The following NTN4 variants were observed in gnomAD, a reference collection of about 807,000 sequenced individuals.
The protein encoded by NTN4 is netrin-4.
Under a neutral mutation model 73.6 loss-of-function variants are expected in NTN4, and 32 were observed. That is an observed-to-expected ratio of 0.44 (90% CI 0.33 to 0.58). The LOEUF is 0.58. NTN4 is among the 20% of genes least tolerant of loss of function. The pLI is 0.04. For missense variants in NTN4, 654 were observed against 798.3 expected (o/e 0.82, Z 2.18); for synonymous variants, 258 against 287.5 (o/e 0.90, Z 1.04).
At chr12:95,719,511 C>A (rs1489128211) in intron 3 of NTN4, among the ~76,000 whole-genome samples, 1 of 152,016 alleles carries the variant, frequency 6.6e-6, no homozygotes, top group African/African-American at 2.4e-5. Flanking sequence ...AGATAGTATG[C>A]CCCTTTTAGA....
chr12:95,775,477 C>T (rs2079085023), intron 2 of NTN4, among the ~76,000 whole-genome samples: 1 of 152,226 alleles, frequency 6.6e-6, no homozygotes, highest in African/African-American at 2.4e-5. Context: ...CGGGTCACTC[C>T]CACCCTAATA....
chr12:95,716,963 C>A (rs1007206191), intron 3 of NTN4, among the ~76,000 whole-genome samples: 1 of 152,026 alleles, frequency 6.6e-6, no homozygotes, highest in Admixed American at 6.6e-5. Context: ...GCACATGTCA[C>A]CATGCCCAGC....
chr12:95,681,333 C>A (rs1261966636), intron 7 of NTN4, among the ~76,000 whole-genome samples: 1 of 151,986 alleles, frequency 6.6e-6, no homozygotes, highest in African/African-American at 2.4e-5. Flanking sequence ...AGGGAGGCAA[C>A]TGGGCTTGGG....
chr12:95,749,587 T>G (rs935381065), intron 2 of NTN4, among the ~76,000 whole-genome samples: 1 of 152,172 alleles, frequency 6.6e-6, no homozygotes, highest in Non-Finnish European at 1.5e-5. Flanking sequence ...CACCCAAAAC[T>G]CTGGCGCCGG....
At chr12:95,782,362 C>T (rs1462998907) in intron 2 of NTN4, among the ~76,000 whole-genome samples, 2 of 151,486 alleles carry the variant, frequency 1.3e-5, no homozygotes, top group Non-Finnish European at 2.9e-5. Flanking sequence ...GGGGCGTGAT[C>T]TCGGGTCACT....
chr12:95,715,537 AG>A (rs2078599211), intron 3 of NTN4, among the ~76,000 whole-genome samples: 1 of 152,086 alleles, frequency 6.6e-6, no homozygotes, highest in African/African-American at 2.4e-5. Context: ...TGATATGAAA[AG>A]TTTCTATATC....
intron 2 of NTN4, among the ~76,000 whole-genome samples, chr12:95,760,908 T>C (rs1170839690): frequency 6.6e-6 from 1 of 152,192 alleles, no homozygotes; most frequent in Non-Finnish European, 1.5e-5. Flanking sequence ...TAATTATTCT[T>C]TCTTATTCCT....
chr12:95,690,370 A>G (rs1287390647), intron 5 of NTN4, among the ~76,000 whole-genome samples: 1 of 152,220 alleles, frequency 6.6e-6, no homozygotes, highest in African/African-American at 2.4e-5. Context: ...CCAAGTTTAA[A>G]AGAATTATTC....
In NTN4 at chr12:95,658,887, G is replaced by C; in HGVS notation, c.*199C>G. 2.1e-6 allele frequency: 1 copy of C among 483,910 alleles called. No homozygotes were observed. Among genetic ancestry groups the C allele is most frequent in the Non-Finnish European group, 3.6e-6 (1 of 278,326 alleles). The allele number at this position is 483,910 out of a possible 1,614,324, so 30.0% of individuals were successfully genotyped here. On this transcript the variant is annotated 3_prime_UTR_variant, in exon 10 of 10. Coordinates refer to ENST00000343702, the MANE Select transcript of NTN4 (RefSeq NM_021229.4). ...ATAGAAAACAGATATCAGTGTAGGG[G>C]TTTTCATTTCTCTTCATGAAATAAA...
At chr12:95,666,265 G>A (rs930700976) in intron 8 of NTN4, among the ~76,000 whole-genome samples, 1 of 152,116 alleles carries the variant, frequency 6.6e-6, no homozygotes, top group South Asian at 2.1e-4. Flanking sequence ...ATACTTTGGG[G>A]ACTCAGGGGG....
chr12:95,746,492 A>T (rs1375227768), intron 2 of NTN4, among the ~76,000 whole-genome samples: 1 of 152,176 alleles, frequency 6.6e-6, no homozygotes, highest in East Asian at 1.9e-4. Context: ...CGGCTAAATA[A>T]ACGGACTCTT....
At chr12:95,669,846 A>T (rs1402409020) in intron 8 of NTN4, among the ~76,000 whole-genome samples, 1 of 152,200 alleles carries the variant, frequency 6.6e-6, no homozygotes, top group Non-Finnish European at 1.5e-5. Context: ...ATGGTATAAT[A>T]ACTCTACCTT....
chr12:95,729,626 A>AGTGTGTGT (rs1174300161), intron 3 of NTN4, among the ~76,000 whole-genome samples: 40 of 122,510 alleles, frequency 3.3e-4, no homozygotes, highest in African/African-American at 1.3e-3. Flanking sequence ...AGAGAGAGAG[A>AGTGTGTGT]GAGAGAGTGT....
At position 95,702,842 on chromosome 12, in the gene NTN4, G is replaced by GTT. The variant is rs36062868; in HGVS notation, c.1180+7597_1180+7598dup. On this transcript the variant is annotated intron_variant, in intron 5 of 9. Coordinates refer to ENST00000343702, the MANE Select transcript of NTN4 (RefSeq NM_021229.4). ...CAACTGTTGCTTCAGGTTTTCAATG[G>GTT]TTTTTTTTTTTTTTGGTTTTTTTTT... 8.7e-3 allele frequency among the ~76,000 whole-genome samples: 1,088 copies of GTT among 124,964 alleles called. 10 individuals are homozygous for GTT. The highest frequency in any genetic ancestry group is 0.045 in the East Asian group (189 of 4,220). The allele number at this position is 124,964 out of a possible 152,430, so 82.0% of individuals were successfully genotyped here.
At chr12:95,673,045 GC>G in intron 7 of NTN4, 6 of 1,485,440 alleles carry the variant, frequency 4.0e-6, no homozygotes, top group Non-Finnish European at 5.6e-6. Flanking sequence ...AGCTGTGGCT[GC>G]CCAGGGCAAG....
At chr12:95,721,174 A>G (rs2078645179) in intron 3 of NTN4, among the ~76,000 whole-genome samples, 1 of 152,218 alleles carries the variant, frequency 6.6e-6, no homozygotes, top group Non-Finnish European at 1.5e-5. Flanking sequence ...TGACACTTTT[A>G]TAAATAAAAT....
At chr12:95,698,652 C>G (rs1171695219) in intron 5 of NTN4, among the ~76,000 whole-genome samples, 1 of 152,026 alleles carries the variant, frequency 6.6e-6, no homozygotes, top group Non-Finnish European at 1.5e-5. Context: ...GAGTTCAAGA[C>G]CAGCCTGGGG....
intron 2 of NTN4, among the ~76,000 whole-genome samples, chr12:95,750,732 T>A (rs1432108715): frequency 6.6e-6 from 1 of 152,180 alleles, no homozygotes; most frequent in African/African-American, 2.4e-5. Flanking sequence ...CTTCATTTTC[T>A]ACAGACCCAT....
At chr12:95,771,852 G>C (rs2079061157) in intron 2 of NTN4, among the ~76,000 whole-genome samples, 1 of 151,756 alleles carries the variant, frequency 6.6e-6, no homozygotes, top group African/African-American at 2.4e-5. Flanking sequence ...TATCTGATTA[G>C]TACTTTGCCT....
Sources: allele counts gnomAD v4.1 joint callset (sites outside exome capture counted in the v4.1 genomes callset), GRCh38; gene constraint gnomAD v4.1.1; transcripts MANE v1.5; gene names NCBI Gene and HGNC (gene_info 2026-07-23, HGNC 2026-07-21).